The following GPC1 variants were observed in gnomAD, a reference collection of about 807,000 sequenced individuals.
The protein encoded by GPC1 is glypican 1.
A neutral mutation model predicts 51.5 loss-of-function variants in GPC1; 26 were observed. The ratio of observed to expected loss-of-function variants is 0.50; its 90% CI spans 0.37 to 0.70. The LOEUF (loss-of-function observed/expected upper bound fraction) is 0.70, where lower values mean the gene tolerates loss of function less well. Ranked by LOEUF, GPC1 falls within the 30% of genes least tolerant of loss-of-function variation. GPC1 has a pLI of 0.00. For missense variants in GPC1, 775 were observed against 800.5 expected (o/e 0.97, Z 0.38); for synonymous variants, 380 against 348.3 (o/e 1.09, Z -1.01).
At chr2:240,436,323 C>G (rs1047973309) in intron 1 of GPC1, among the ~76,000 whole-genome samples, 1 of 152,078 alleles carries the variant, frequency 6.6e-6, no homozygotes, top group Non-Finnish European at 1.5e-5. Context: ...CGTCCTCCGC[C>G]CCTCCCCGCC....
At chr2:240,456,670 C>A in intron 1 of GPC1, 1 of 469,834 alleles carries the variant, frequency 2.1e-6, no homozygotes, top group South Asian at 1.6e-5. Context: ...CCATCACAGC[C>A]CACACCCTCG....
intron 1 of GPC1, among the ~76,000 whole-genome samples, chr2:240,444,547 A>G (rs561981164): frequency 3.3e-5 from 5 of 152,266 alleles, no homozygotes; most frequent in African/African-American, 1.2e-4. Context: ...TGCAGCAGCG[A>G]CCGGATCCCT....
Position 240,459,128 on chromosome 2 carries a change from C to A in GPC1, c.265C>A (p.Leu89Ile). Residue 89 changes from leucine to isoleucine, a missense_variant, in exon 2 of 9, where the codon CTC becomes ATC. By Grantham distance (5) the Leu-to-Ile change is conservative. Transcript: ENST00000264039. ...CAGCCATGCCGAGCTGGAGACCGCG[C>A]TCCGGGACAGCAGCCGCGTCCTGCA... is the stretch of plus-strand genomic sequence containing the variant. ...NRSHAELETA[L>I]RDSSRVLQAM... is the part of the protein sequence containing the mutation. 1 of 1,612,724 alleles carries A rather than the reference C, an allele frequency of 6.2e-7. No individual in the cohort carries two copies. Among genetic ancestry groups the A allele is most frequent in the African/African-American group, 1.3e-5 (1 of 75,072 alleles).
At chr2:240,451,067 C>T in intron 1 of GPC1, 1 of 465,428 alleles carries the variant, frequency 2.1e-6, no homozygotes, top group Non-Finnish European at 4.5e-6. Context: ...GAGATGGCTT[C>T]TCGGGAAGTG....
chr2:240,449,145 C>T (rs1027093130), intron 1 of GPC1, among the ~76,000 whole-genome samples: 2 of 152,210 alleles, frequency 1.3e-5, no homozygotes, highest in Admixed American at 1.3e-4. Flanking sequence ...TCCAAGGAGG[C>T]TGGGGACAGT....
At chr2:240,462,113 G>T in intron 2 of GPC1, 78 bp from the exon 3 acceptor site, 1 of 1,363,674 alleles carries the variant, frequency 7.3e-7, no homozygotes, top group Non-Finnish European at 9.9e-7. Context: ...TGAGTCTCCC[G>T]GGCTGAGTCC....
chr2:240,458,090 T>G (rs749795383), intron 1 of GPC1: 65 of 470,362 alleles, frequency 1.4e-4, no homozygotes, highest in Non-Finnish European at 2.3e-4. Flanking sequence ...GCCCCCTCAC[T>G]GTATAGCTGG....
intron 1 of GPC1, chr2:240,450,585 A>G (rs3828334): frequency 0.26 from 124,440 of 469,906 alleles, 17,652 homozygotes; most frequent in Middle Eastern, 0.38. Context: ...AGACAGCTAG[A>G]CCTCTGGGAA....
At position 240,465,148 on chromosome 2, in the gene GPC1, T is replaced by G. The variant is rs1423311867; in HGVS notation, c.1206T>G (p.Ser402Arg). The change falls in exon 7 of 9, where the codon AGT becomes AGG. Residue 402 changes from serine (S) to arginine (R), a missense_variant. Coordinates refer to ENST00000264039, the MANE Select transcript of GPC1 (RefSeq NM_002081.3). The stretch of plus-strand genomic sequence containing the variant: ...TCAGCCTCCCAGGGACACTGTGCAG[T>G]GAGAAGATGGCCCTGAGCACTGCCA... The part of the protein sequence containing the change: ...FWISLPGTLC[S>R]EKMALSTASD... The G allele has an allele frequency of 1.9e-6, 3 of 1,612,440 alleles. No individual in the cohort carries two copies. The highest frequency in any genetic ancestry group is 8.5e-7 in the Non-Finnish European group (1 of 1,179,816).
rs1343684089 is a variant in GPC1, at chr2:240,467,987, C to T, written c.*1697C>T. ...AGGGCAGTGGCCAAGCCTGCTGTGT[C>T]CTTCCTCCACAAGGTCCCCCCACCG... On this transcript the variant is annotated 3_prime_UTR_variant, in exon 9 of 9. Transcript: ENST00000264039. 1 of 152,322 alleles carries T rather than the reference C, an allele frequency of 6.6e-6. No homozygotes were observed. The highest frequency in any genetic ancestry group is 2.4e-5 in the African/African-American group (1 of 41,458). 9.4% of individuals were successfully genotyped at this position (152,322 alleles called of 1,614,324 possible). A position where few individuals can be genotyped will look rare whatever the true frequency, so the allele number is the denominator to read the frequency against.
At chr2:240,455,756 T>G (rs1412139627) in intron 1 of GPC1, among the ~76,000 whole-genome samples, 2 of 152,202 alleles carry the variant, frequency 1.3e-5, no homozygotes, top group African/African-American at 4.8e-5. Context: ...GGAGGGGGCT[T>G]GCTTTGCCGC....
intron 1 of GPC1, among the ~76,000 whole-genome samples, chr2:240,436,838 G>A (rs1436915513): frequency 2.0e-5 from 3 of 152,254 alleles, no homozygotes; most frequent in Admixed American, 2.0e-4. Context: ...CCGCCCAGGG[G>A]CCGTGTCATT....
Position 240,448,947 on chromosome 2 carries a change from C to T in GPC1, c.167-10083C>T, listed in dbSNP as rs1416310453. Among the ~76,000 whole-genome samples the T allele has an allele frequency of 6.6e-6, 1 of 152,084 alleles. No individual in the cohort carries two copies. The highest frequency in any genetic ancestry group is 1.5e-5 in the Non-Finnish European group (1 of 67,998). ...GTATCAAGCCTGGGCTTCTCATTTC[C>T]TCCCCTTCAGTGAGGACAGGGGGAC... On this transcript the variant is annotated intron_variant, in intron 1 of 8. Coordinates refer to ENST00000264039, the MANE Select transcript of GPC1 (RefSeq NM_002081.3). The surrounding 1 kb of genome is among the most constrained non-coding windows in gnomAD (Gnocchi z 4.5).
At chr2:240,447,760 G>A (rs865866747) in intron 1 of GPC1, among the ~76,000 whole-genome samples, 81 of 152,292 alleles carry the variant, frequency 5.3e-4, no homozygotes, top group Admixed American at 3.3e-4. Context: ...TCTGCCCAGC[G>A]TGTGTCATGT....
intron 1 of GPC1, among the ~76,000 whole-genome samples, chr2:240,437,447 G>A (rs2073991328): frequency 6.6e-6 from 1 of 152,038 alleles, no homozygotes; most frequent in Non-Finnish European, 1.5e-5. Context: ...ATCTCCCGAT[G>A]CCCTCCCCAC....
rs552632364 is a variant in GPC1, at chr2:240,460,926, T to C, written c.326-1265T>C. Among the ~76,000 whole-genome samples, 1,266 of 151,950 alleles carry C rather than the reference T, an allele frequency of 8.3e-3. 8 individuals carry two copies. Among genetic ancestry groups the C allele is most frequent in the Middle Eastern group, 0.014 (4 of 294 alleles). On this transcript the variant is annotated intron_variant, in intron 2 of 8. Transcript: ENST00000264039. The stretch of plus-strand genomic sequence containing the variant: ...GCTGGTGGGAACCAGTGGGAGGCGG[T>C]AGGAGGGGAGCCTGGCTGGACCTCT...
intron 1 of GPC1, among the ~76,000 whole-genome samples, chr2:240,455,583 C>T (rs2074151224): frequency 6.6e-6 from 1 of 152,206 alleles, no homozygotes; most frequent in Non-Finnish European, 1.5e-5. Flanking sequence ...GGAGGGTTCC[C>T]TCCTGGCCTG....
chr2:240,463,394 C>A lies in GPC1; in HGVS notation c.765C>A (p.Tyr255Ter). Residue 255 changes from tyrosine to a stop codon, truncating the protein, a stop_gained, in exon 4 of 9, where the codon TAC (tyrosine) becomes TAA (stop). Coordinates refer to ENST00000264039, the MANE Select transcript of GPC1 (RefSeq NM_002081.3). LOFTEE classifies it high-confidence loss of function. ...ECSRAVMKLVYCAHCLGVPGA... is the reference protein window; with the variant it reads ...ECSRAVMKLV ...CGAGAGCTGTCATGAAGCTGGTCTA[C>A]TGTGCTCACTGCCTGGGAGTCCCCG... 1.2e-6 allele frequency: 2 copies of A among 1,612,920 alleles called. No individual in the cohort carries two copies. Among genetic ancestry groups the A allele is most frequent in the Non-Finnish European group, 1.7e-6 (2 of 1,179,876 alleles).
At chr2:240,436,922 C>G (rs570960255) in intron 1 of GPC1, among the ~76,000 whole-genome samples, 3 of 152,406 alleles carry the variant, frequency 2.0e-5, no homozygotes, top group African/African-American at 4.8e-5. Context: ...TCTTCCCTCC[C>G]TGTGGTCCCG....
Sources: allele counts gnomAD v4.1 joint callset (sites outside exome capture counted in the v4.1 genomes callset), GRCh38; gene constraint gnomAD v4.1.1; non-coding constraint Gnocchi (gnomAD v3.1); transcripts MANE v1.5; gene names NCBI Gene and HGNC (gene_info 2026-07-23, HGNC 2026-07-21).